POMT2: variants seen among roughly 807,000 people sequenced by gnomAD.
POMT2 encodes the protein protein O-mannosyltransferase 2, also known as protein O-mannosyl-transferase 2.
Under a neutral mutation model 100.0 loss-of-function variants are expected in POMT2, and 75 were observed. The observed-to-expected ratio is 0.75, with a 90% CI of 0.62 to 0.91. POMT2 has a LOEUF of 0.91. Among genes scored for constraint, POMT2 ranks in the 40% least tolerant of loss-of-function variants. POMT2 has a pLI of 0.00. For missense variants in POMT2, 940 were observed against 955.1 expected (o/e 0.98, Z 0.21); for synonymous variants, 378 against 374.1 (o/e 1.01, Z -0.12).
intron 16 of POMT2, 139 bp downstream of exon 16, chr14:77,280,253 G>T (rs1300397965): frequency 1.2e-5 from 19 of 1,555,568 alleles, no homozygotes; most frequent in Non-Finnish European, 1.6e-5. Context: ...GCAGAAAACA[G>T]ATACTCCCAC....
chr14:77,301,307 C>A, intron 5 of POMT2, 58 bp from the exon 6 acceptor site: 1 of 1,599,948 alleles, frequency 6.3e-7, no homozygotes, highest in Non-Finnish European at 8.6e-7. Flanking sequence ...CAAACGCAAG[C>A]GCAGCAGGGG....
At chr14:77,292,531 G>A (rs2140207729) in intron 9 of POMT2, among the ~76,000 whole-genome samples, 1 of 152,296 alleles carries the variant, frequency 6.6e-6, no homozygotes, top group South Asian at 2.1e-4. Flanking sequence ...ATGCTCCCAG[G>A]ATAGAGACTA....
At chr14:77,319,325 G>A (rs1007406026) in intron 1 of POMT2, among the ~76,000 whole-genome samples, 1 of 152,190 alleles carries the variant, frequency 6.6e-6, no homozygotes, top group African/African-American at 2.4e-5. Context: ...TTAATTAAAT[G>A]CTGTAAGGGA....
intron 9 of POMT2, among the ~76,000 whole-genome samples, chr14:77,292,242 A>G (rs1890668027): frequency 6.6e-6 from 1 of 152,220 alleles, no homozygotes; most frequent in Admixed American, 6.5e-5. Flanking sequence ...CCTGGGATAG[A>G]ATATTATACA....
At position 77,288,451 on chromosome 14, in the gene POMT2, G is replaced by C. The variant is rs183000739; in HGVS notation, c.1253+311C>G. Among the ~76,000 whole-genome samples, 328 of 152,198 alleles carry C rather than the reference G, an allele frequency of 2.2e-3. 1 individual carries two copies. The highest frequency in any genetic ancestry group is 4.4e-3 in the Admixed American group (67 of 15,290). ...TTTGGGAGGCTGAAGCGGGAGGATCGCTTGAGCCCAGGACTCTGAGGCCAG... is the reference window on the plus strand; with the variant it reads ...TTTGGGAGGCTGAAGCGGGAGGATCCCTTGAGCCCAGGACTCTGAGGCCAG... On this transcript the variant is annotated intron_variant, in intron 11 of 20. Coordinates refer to ENST00000261534, the MANE Select transcript of POMT2 (RefSeq NM_013382.7).
At chr14:77,296,559 G>C in intron 8 of POMT2, 1 of 443,428 alleles carries the variant, frequency 2.3e-6, no homozygotes, top group Admixed American at 3.7e-5. Context: ...AAAACAACTT[G>C]TCCTTCTCAA....
rs369086488 is a variant in POMT2, at chr14:77,302,798, C to T, written c.656+37G>A. The T allele has an allele frequency of 3.8e-6, 6 of 1,565,088 alleles. No individual in the cohort carries two copies. The African/African-American group carries it at 8.1e-5, about 21-fold the overall frequency. On this transcript the variant is annotated intron_variant, in intron 5 of 20. Coordinates refer to ENST00000261534, the MANE Select transcript of POMT2 (RefSeq NM_013382.7). Reference sequence around the variant, plus strand: ...TACAGAAATTTTGGAGTTGCCACAGCTTCCAACCCTCCCCTCCCGGGGATG... The same window carrying T: ...TACAGAAATTTTGGAGTTGCCACAGTTTCCAACCCTCCCCTCCCGGGGATG...
intron 11 of POMT2, 65 bp downstream of exon 11, chr14:77,288,696 TC>T: frequency 7.0e-7 from 1 of 1,419,028 alleles, no homozygotes; most frequent in East Asian, 2.3e-5. Context: ...TCTGTTTACT[TC>T]TTAAAATAAC....
chr14:77,313,355 G>A lies in POMT2; in HGVS notation c.249-1322C>T, dbSNP rs563432171. On this transcript the variant is annotated intron_variant, in intron 1 of 20. Coordinates refer to ENST00000261534, the MANE Select transcript of POMT2 (RefSeq NM_013382.7). ...GTGAGGACATTGGCATGGTGAGGTC[G>A]AAGACAGAAATAACTTCAAAGCAGG... is the stretch of plus-strand genomic sequence containing the variant. Among the ~76,000 whole-genome samples, 184 of 152,226 alleles carry A rather than the reference G, an allele frequency of 1.2e-3. 3 individuals are homozygous for A. Among genetic ancestry groups the A allele is most frequent in the Non-Finnish European group, 2.2e-3 (150 of 68,034 alleles).
chr14:77,295,631 C>CAAAA (rs35870247), intron 9 of POMT2, among the ~76,000 whole-genome samples: 2 of 83,252 alleles, frequency 2.4e-5, no homozygotes, highest in East Asian at 3.5e-4. Context: ...GACTCCATCT[C>CAAAA]AAAAAAAAAA....
Position 77,277,388 on chromosome 14 carries a change from T to A in POMT2, c.2241A>T (p.Ser747=), listed in dbSNP as rs751053480. 2.5e-6 allele frequency: 4 copies of A among 1,612,638 alleles called. No individual in the cohort carries two copies. In the Admixed American group the frequency reaches 6.7e-5, roughly 27 times the overall value. Reference sequence around the variant, plus strand: ...CTTTGCAGTGGCCTCAAAAGTCCCATGAGTCCAGCCACCTTAGTCCTGCCA... The same window carrying A: ...CTTTGCAGTGGCCTCAAAAGTCCCAAGAGTCCAGCCACCTTAGTCCTGCCA... ...SPMAGLRWLD[S]WDF Residue 747 remains serine (S), a synonymous_variant, in exon 21 of 21, where the codon TCA becomes TCT. Coordinates refer to ENST00000261534, the MANE Select transcript of POMT2 (RefSeq NM_013382.7).
In POMT2 at chr14:77,301,203, T is replaced by C; in HGVS notation, c.703A>G (p.Ser235Gly). The C allele has an allele frequency of 6.2e-7, 1 of 1,614,194 alleles. No individual in the cohort carries two copies. The highest frequency in any genetic ancestry group is 1.1e-5 in the South Asian group (1 of 91,088). Residue 235 changes from serine (S) to glycine (G), a missense_variant, in exon 6 of 21, where the codon AGT becomes GGT. Ser to Gly is a moderately conservative substitution (Grantham distance 56, BLOSUM62 0). Coordinates refer to ENST00000261534, the MANE Select transcript of POMT2 (RefSeq NM_013382.7). ...TTGACCCCTAAAGCACCAGCAAGAC[T>C]AACGCCAGTCAGGCTGAGCCAGAAC... ...WWFWLSLTGV[S>G]LAGALGVKFV...
chr14:77,283,798 C>T lies in POMT2; in HGVS notation c.1652G>A (p.Arg551Gln), dbSNP rs958000996. The T allele has an allele frequency of 5.0e-6, 8 of 1,605,696 alleles. No individual in the cohort carries two copies. The highest frequency in any genetic ancestry group is 3.3e-4 in the Middle Eastern group (2 of 6,052). The change falls in exon 15 of 21, where the codon CGG becomes CAG. Residue 551 changes from arginine to glutamine, a missense_variant and splice_region_variant. Transcript: ENST00000261534. ...ATGAAATGAGAAGGGGACACATACC[C>T]GGATCATGACCATGTGGGATTCCAG... ...ILLESHMVMI[R>Q]GNSGLKPKDN...
chr14:77,299,363 A>T, intron 7 of POMT2, 92 bp downstream of exon 7: 1 of 1,143,784 alleles, frequency 8.7e-7, no homozygotes, highest in Non-Finnish European at 1.3e-6. Context: ...CTATCATTTT[A>T]ACCACAGACC....
chr14:77,277,505 G>A lies in POMT2; in HGVS notation c.2148-24C>T. On this transcript the variant is annotated intron_variant, in intron 20 of 20. Coordinates refer to ENST00000261534, the MANE Select transcript of POMT2 (RefSeq NM_013382.7). ...AGCTGTGAGAGAGAACCAGTAGGAG[G>A]CAGTTGGCACCCCCAGTGCCTCAGC... 4 of 1,560,634 alleles carry A rather than the reference G, an allele frequency of 2.6e-6. No homozygotes were observed. In the South Asian group the frequency reaches 3.3e-5, roughly 13 times the overall value.
intron 8 of POMT2, among the ~76,000 whole-genome samples, chr14:77,298,291 A>G (rs1435885945): frequency 6.6e-6 from 1 of 152,138 alleles, no homozygotes; most frequent in Non-Finnish European, 1.5e-5. Context: ...GCTCCTCTAC[A>G]CCAGGCTCCA....
intron 10 of POMT2, among the ~76,000 whole-genome samples, chr14:77,289,426 T>A (rs1237944039): frequency 2.8e-5 from 3 of 106,832 alleles, no homozygotes; most frequent in Non-Finnish European, 5.2e-5. Context: ...CTTCGATGAA[T>A]AGCAAATGGG....
chr14:77,285,501 C>A lies in POMT2; in HGVS notation c.1464G>T (p.Ser488=), dbSNP rs375698520. The A allele has an allele frequency of 1.9e-6, 3 of 1,614,022 alleles. No individual in the cohort carries two copies. The highest frequency in any genetic ancestry group is 2.5e-6 in the Non-Finnish European group (3 of 1,180,042). ...CTTACCACTTGGGCAGAACCTTTCC[C>A]GAGGAGCCCAGGACACAACCTGTGA... ...HLVTGCVLGS[S]GKVLPKWGWE... The change falls in exon 13 of 21, where the codon TCG becomes TCT. Residue 488 remains serine, a synonymous_variant. Coordinates refer to ENST00000261534, the MANE Select transcript of POMT2 (RefSeq NM_013382.7).
rs776810300 is a variant in POMT2 at position 77,304,655 on chromosome 14, A to G, written c.547+37T>C. ...AGCTACATTCACGGAGTGGCAGCCC[A>G]TTTCCCAAAAGCCATGGTATGGCTA... On this transcript the variant is annotated intron_variant, in intron 4 of 20. Transcript: ENST00000261534. The G allele has an allele frequency of 1.2e-5, 18 of 1,556,614 alleles. No individual in the cohort carries two copies. In the South Asian group the frequency reaches 2.1e-4, roughly 18 times the overall value.
Sources: gnomAD v4.1 joint callset for allele counts (sites outside exome capture counted in the v4.1 genomes callset) on GRCh38, gnomAD v4.1.1 for gene constraint, MANE v1.5 for transcripts, NCBI Gene and HGNC (gene_info 2026-07-23, HGNC 2026-07-21) for gene names.